CFAP97D2: variants seen among roughly 807,000 people sequenced by gnomAD.
CFAP97D2 encodes CFAP97 domain containing 2.
chr13:114,197,588 G>T (rs966681219), intron 2 of CFAP97D2, among the ~76,000 whole-genome samples: 1 of 152,194 alleles, frequency 6.6e-6, no homozygotes, highest in South Asian at 2.1e-4. Flanking sequence ...AAGGGAAGTG[G>T]ATTCACAGTG....
chr13:114,202,523 C>T (rs1051869575), intron 3 of CFAP97D2, among the ~76,000 whole-genome samples: 1 of 152,232 alleles, frequency 6.6e-6, no homozygotes, highest in Non-Finnish European at 1.5e-5. Context: ...GGTATATGAG[C>T]TAAAACCTGC....
intron 4 of CFAP97D2, among the ~76,000 whole-genome samples, chr13:114,219,540 C>CAAACAAAAAAAGGGA (rs1371067578): frequency 6.6e-6 from 1 of 151,914 alleles, no homozygotes; most frequent in Non-Finnish European, 1.5e-5. Flanking sequence ...AAGATAAAGT[C>CAAACAAAAAAAGGGA]AAACAAAAAA....
Position 114,185,002 on chromosome 13 carries a change from T to C in CFAP97D2, c.90+5582T>C, listed in dbSNP as rs1008557540. Reference sequence around the variant, plus strand: ...TAAGCAGCCACTGTCATCATGTCAGTTGCAGTGGGTGGGGGGTGGTGCATG... The same window carrying C: ...TAAGCAGCCACTGTCATCATGTCAGCTGCAGTGGGTGGGGGGTGGTGCATG... On this transcript the variant is annotated intron_variant, in intron 1 of 4. Coordinates refer to ENST00000646158, the Ensembl canonical transcript of CFAP97D2. This position sits in a 1 kb window ranked among gnomAD's most constrained non-coding sequence, Gnocchi z 5.2. Among the ~76,000 whole-genome samples, 1 of 152,206 alleles carries C rather than the reference T, an allele frequency of 6.6e-6. No homozygotes were observed. The highest frequency in any genetic ancestry group is 2.4e-5 in the African/African-American group (1 of 41,450).
chr13:114,204,009 C>A (rs2080929188), intron 3 of CFAP97D2, among the ~76,000 whole-genome samples: 1 of 152,222 alleles, frequency 6.6e-6, no homozygotes, highest in Non-Finnish European at 1.5e-5. Context: ...TAGTAGGACT[C>A]ATGTGTCCTT....
chr13:114,180,099 C>A (rs1384621584), intron 1 of CFAP97D2, among the ~76,000 whole-genome samples: 1 of 152,218 alleles, frequency 6.6e-6, no homozygotes, highest in African/African-American at 2.4e-5. Context: ...TCTGAGGTGG[C>A]CTCCCACAGT....
At position 114,182,180 on chromosome 13, in the gene CFAP97D2, A is replaced by G. The variant is rs1019543182; in HGVS notation, c.90+2760A>G. Reference sequence around the variant, plus strand: ...AGAAGGTCAGCAAAAAACGTGAGCAAAAGAGTCTATGTCGTAATTAAGTTC... The same window carrying G: ...AGAAGGTCAGCAAAAAACGTGAGCAGAAGAGTCTATGTCGTAATTAAGTTC... On this transcript the variant is annotated intron_variant, in intron 1 of 4. Coordinates refer to ENST00000646158, the Ensembl canonical transcript of CFAP97D2. Among the ~76,000 whole-genome samples, 7 of 141,554 alleles carry G rather than the reference A, an allele frequency of 4.9e-5. 1 individual carries two copies. In the East Asian group the frequency reaches 8.6e-4, roughly 17 times the overall value. The allele number at this position is 141,554 out of a possible 152,430, so 92.9% of individuals were successfully genotyped here.
chr13:114,189,990 T>G lies in CFAP97D2; in HGVS notation c.91-6406T>G, dbSNP rs1353460228. The stretch of plus-strand genomic sequence containing the variant: ...GACCCCATCTTTACAAAAGAATTTT[T>G]AAAATTAGCTAGGCGGTGGCTCATG... On this transcript the variant is annotated intron_variant, in intron 1 of 4. Transcript: ENST00000646158. This position sits in a 1 kb window ranked among gnomAD's most constrained non-coding sequence, Gnocchi z 4.5. 6.6e-6 allele frequency among the ~76,000 whole-genome samples: 1 copy of G among 152,006 alleles called. No individual in the cohort carries two copies. Among genetic ancestry groups the G allele is most frequent in the Non-Finnish European group, 1.5e-5 (1 of 67,994 alleles).
In CFAP97D2 at chr13:114,186,132, G is replaced by A. The variant is rs541933066; in HGVS notation, c.90+6712G>A. Among the ~76,000 whole-genome samples, 9 of 152,318 alleles carry A rather than the reference G, an allele frequency of 5.9e-5. No homozygotes were observed. The highest frequency in any genetic ancestry group is 5.8e-4 in the East Asian group (3 of 5,182). On this transcript the variant is annotated intron_variant, in intron 1 of 4. Transcript: ENST00000646158. This position sits in a 1 kb window ranked among gnomAD's most constrained non-coding sequence, Gnocchi z 4.3. ...GAGGATGGAGATATGATGGGGAGAC[G>A]ATGGGCTGACTAGCTGCAGGGAGGA...
At chr13:114,196,322 C>T (rs967757314) in intron 1 of CFAP97D2, 74 bp from the exon 2 acceptor site, 1 of 398,916 alleles carries the variant, frequency 2.5e-6, no homozygotes, top group African/African-American at 2.1e-5. Context: ...CACGAAAGAC[C>T]CCAGAGCAGC....
At chr13:114,220,824 C>T in intron 4 of CFAP97D2, among the ~76,000 whole-genome samples, 1 of 152,244 alleles carries the variant, frequency 6.6e-6, no homozygotes, top group East Asian at 1.9e-4. Flanking sequence ...TCCTTGGCCT[C>T]CAACCATCAT....
intron 4 of CFAP97D2, among the ~76,000 whole-genome samples, chr13:114,216,661 G>T (rs1217202571): frequency 6.6e-6 from 1 of 152,186 alleles, no homozygotes; most frequent in Non-Finnish European, 1.5e-5. Flanking sequence ...TGGTGCATAT[G>T]TGCCACATTT....
At chr13:114,200,570 C>G in intron 3 of CFAP97D2, 127 bp downstream of exon 3, 1 of 394,068 alleles carries the variant, frequency 2.5e-6, no homozygotes, top group Non-Finnish European at 4.5e-6. Flanking sequence ...CTCCCGAAAA[C>G]AGCCACAGCT....
chr13:114,196,857 C>T (rs866389191), intron 2 of CFAP97D2, among the ~76,000 whole-genome samples: 9 of 152,184 alleles, frequency 5.9e-5, no homozygotes, highest in Non-Finnish European at 8.8e-5. Context: ...TCAATCAATA[C>T]GTGTAAGGTG....
chr13:114,213,122 C>T (rs1566616496), intron 4 of CFAP97D2, among the ~76,000 whole-genome samples: 1 of 152,172 alleles, frequency 6.6e-6, no homozygotes, highest in Non-Finnish European at 1.5e-5. Context: ...TTTTAAAGAT[C>T]TTCCATCACT....
At chr13:114,181,274 A>C (rs554721893) in intron 1 of CFAP97D2, among the ~76,000 whole-genome samples, 1 of 152,214 alleles carries the variant, frequency 6.6e-6, no homozygotes, top group Non-Finnish European at 1.5e-5. Context: ...GTTGTGGTGA[A>C]GAACAGGGCA....
At chr13:114,193,163 G>C (rs1242152691) in intron 1 of CFAP97D2, among the ~76,000 whole-genome samples, 1 of 151,926 alleles carries the variant, frequency 6.6e-6, no homozygotes, top group Non-Finnish European at 1.5e-5. Flanking sequence ...TTTTACAATA[G>C]ATATTTTATT....
chr13:114,214,582 T>TTTTG (rs10636230), intron 4 of CFAP97D2, among the ~76,000 whole-genome samples: 60,770 of 150,874 alleles, frequency 0.4, 14,027 homozygotes, highest in African/African-American at 0.64. Flanking sequence ...ATATTTGAGG[T>TTTTG]TTTGTTTGTT....
chr13:114,187,391 C>T lies in CFAP97D2; in HGVS notation c.90+7971C>T, dbSNP rs2080855902. 6.7e-6 allele frequency among the ~76,000 whole-genome samples: 1 copy of T among 149,758 alleles called. No individual in the cohort carries two copies. The highest frequency in any genetic ancestry group is 2.1e-4 in the South Asian group (1 of 4,752). The stretch of plus-strand genomic sequence containing the variant: ...CAACTATATGTTGTCCACAAGAAAC[C>T]ATTTTAAGTATAAAGACATATAGCT... On this transcript the variant is annotated intron_variant, in intron 1 of 4. Coordinates refer to ENST00000646158, the Ensembl canonical transcript of CFAP97D2. This position sits in a 1 kb window ranked among gnomAD's most constrained non-coding sequence, Gnocchi z 4.2.
intron 1 of CFAP97D2, among the ~76,000 whole-genome samples, chr13:114,182,185 G>C (rs7992651): frequency 4.0e-5 from 5 of 125,288 alleles, no homozygotes; most frequent in East Asian, 2.4e-4. Context: ...GAGCAAAAGA[G>C]TCTATGTCGT....
Sources: gnomAD v4.1 joint callset for allele counts (sites outside exome capture counted in the v4.1 genomes callset) on GRCh38, gnomAD v4.1.1 for gene constraint, Gnocchi (gnomAD v3.1) non-coding constraint, MANE v1.5 for transcripts, NCBI Gene and HGNC (gene_info 2026-07-23, HGNC 2026-07-21) for gene names.